Variants in MRPL54 observed in about 807,000 individuals in gnomAD.
MRPL54 encodes mitochondrial ribosomal protein L54.
MRPL54 carries 12 observed loss-of-function variants against 15.6 expected under a neutral mutation model. The ratio of observed to expected loss-of-function variants is 0.77; its 90% confidence interval spans 0.49 to 1.24. The LOEUF (loss-of-function observed/expected upper bound fraction) is 1.24. Among genes scored for constraint, MRPL54 ranks in the 50% most tolerant of loss-of-function variants. The pLI is 0.00. For synonymous variants in MRPL54, 91 were observed against 75.7 expected (o/e 1.20, Z -1.05); for missense variants, 178 against 186.8 (o/e 0.95, Z 0.28).
chr19:3,764,825 G>A (rs569176223), intron 1 of MRPL54, among the ~76,000 whole-genome samples: 168 of 151,816 alleles, frequency 1.1e-3, no homozygotes, highest in Non-Finnish European at 2.2e-3. Flanking sequence ...TCAGGAGATC[G>A]AGACCATCCT....
intron 1 of MRPL54, among the ~76,000 whole-genome samples, chr19:3,763,293 G>A (rs1422665241): frequency 2.0e-5 from 3 of 152,212 alleles, no homozygotes; most frequent in Admixed American, 1.3e-4. Flanking sequence ...TTAAGGTTTA[G>A]CTGGATACAG....
At chr19:3,763,714 T>G (rs915840486) in intron 1 of MRPL54, among the ~76,000 whole-genome samples, 5 of 151,554 alleles carry the variant, frequency 3.3e-5, no homozygotes, top group Non-Finnish European at 7.4e-5. Context: ...GAATTCAAGA[T>G]CAGCCTGACC....
At chr19:3,767,131 C>T in intron 2 of MRPL54, 130 bp from the exon 3 acceptor site, 1 of 1,254,010 alleles carries the variant, frequency 8.0e-7, no homozygotes. Context: ...GGAGGGACCA[C>T]CCTGAGATCA....
rs536217771 is a variant in MRPL54, at chr19:3,766,509, C to T, written c.285-752C>T. On this transcript the variant is annotated intron_variant, in intron 2 of 2. Coordinates refer to ENST00000330133, the MANE Select transcript of MRPL54 (RefSeq NM_172251.3). Reference sequence around the variant, plus strand: ...GAGTACAGGCGTGAGCCGCCGCACCCGTCCTGCAAATACTTATTGACCACT... The same window carrying T: ...GAGTACAGGCGTGAGCCGCCGCACCTGTCCTGCAAATACTTATTGACCACT... 2.8e-4 allele frequency among the ~76,000 whole-genome samples: 43 copies of T among 152,364 alleles called. 1 individual carries two copies. The East Asian group carries it at 7.5e-3, about 27-fold the overall frequency.
At chr19:3,764,372 C>T (rs920298843) in intron 1 of MRPL54, among the ~76,000 whole-genome samples, 5 of 150,388 alleles carry the variant, frequency 3.3e-5, no homozygotes, top group African/African-American at 9.8e-5. Flanking sequence ...CGTGAGCCGC[C>T]GCGCCCGGCC....
Position 3,765,291 on chromosome 19 carries a change from C to G in MRPL54, c.244C>G (p.Gln82Glu). ...AMGVNIYKEG[Q>E]DVPLKPDAEY... Reference sequence around the variant, plus strand: ...GGGCGTCAACATCTACAAGGAAGGGCAGGATGTACCCCTGAAACCGGATGC... The same window carrying G: ...GGGCGTCAACATCTACAAGGAAGGGGAGGATGTACCCCTGAAACCGGATGC... Residue 82 changes from glutamine to glutamate, a missense_variant, in exon 2 of 3, where the codon CAG (glutamine) becomes GAG (glutamate). Transcript: ENST00000330133. 2 of 1,614,002 alleles carry G rather than the reference C, an allele frequency of 1.2e-6. No homozygotes were observed. Among genetic ancestry groups the G allele is most frequent in the Non-Finnish European group, 1.7e-6 (2 of 1,179,940 alleles).
At position 3,765,897 on chromosome 19, in the gene MRPL54, CAA is replaced by C. The variant is rs751187954; in HGVS notation, c.284+582_284+583del. 2.7e-3 allele frequency among the ~76,000 whole-genome samples: 352 copies of C among 129,136 alleles called. 1 individual carries two copies. Among genetic ancestry groups the C allele is most frequent in the Admixed American group, 0.013 (163 of 13,008 alleles). 84.7% of individuals were successfully genotyped at this position (129,136 alleles called of 152,430 possible). A position where few individuals can be genotyped will look rare whatever the true frequency, so the allele number is the denominator to read the frequency against. On this transcript the variant is annotated intron_variant, in intron 2 of 2. Transcript: ENST00000330133. ...TGGGCAACAGAGTGAGACTTGGTCTCAAAAAAAAAAAAAAAAATTTTTTTTTT... is the reference window on the plus strand; with the variant it reads ...TGGGCAACAGAGTGAGACTTGGTCTCAAAAAAAAAAAAAAATTTTTTTTTT...
intron 1 of MRPL54, among the ~76,000 whole-genome samples, chr19:3,763,649 C>G (rs1164304097): frequency 6.6e-6 from 1 of 151,360 alleles, no homozygotes; most frequent in Non-Finnish European, 1.5e-5. Context: ...CGCGGTAGCT[C>G]ACGCCTGTAA....
chr19:3,765,457 T>C, intron 2 of MRPL54, 126 bp downstream of exon 2: 1 of 1,043,866 alleles, frequency 9.6e-7, no homozygotes, highest in Non-Finnish European at 1.4e-6. Context: ...CCATCCTGGC[T>C]TTAGGGCAGG....
chr19:3,766,825 C>G (rs950328117), intron 2 of MRPL54, among the ~76,000 whole-genome samples: 11 of 152,180 alleles, frequency 7.2e-5, no homozygotes, highest in Non-Finnish European at 1.2e-4. Flanking sequence ...AGGACCGCAC[C>G]TGGTGTGCTG....
chr19:3,765,395 T>G, intron 2 of MRPL54, 64 bp downstream of exon 2: 1 of 1,567,088 alleles, frequency 6.4e-7, no homozygotes, highest in Non-Finnish European at 8.7e-7. Context: ...GGAGGACCCC[T>G]TCCCGGAGAG....
At chr19:3,764,766 C>T (rs1301901330) in intron 1 of MRPL54, among the ~76,000 whole-genome samples, 4 of 151,498 alleles carry the variant, frequency 2.6e-5, no homozygotes, top group African/African-American at 4.8e-5. Flanking sequence ...CGGTGGCTCA[C>T]GCCTGTAATC....
rs1428815501 is a variant in MRPL54 at position 3,767,365 on chromosome 19, AC to A, written c.391del (p.Arg131GlyfsTer2). On this transcript the variant is annotated frameshift_variant, in exon 3 of 3. Coordinates refer to ENST00000330133, the MANE Select transcript of MRPL54 (RefSeq NM_172251.3). LOFTEE classifies it high-confidence loss of function. The stretch of plus-strand genomic sequence containing the variant: ...CGGAAACAGAACATCTGGCGCCACA[AC>A]CGGCTGAGCAAGAACAAGAGGTTGT... ...RLRKQNIWRH[N>X]RLSKNKRL 2 of 1,610,310 alleles carry A rather than the reference AC, an allele frequency of 1.2e-6. No individual in the cohort carries two copies. The highest frequency in any genetic ancestry group is 1.7e-6 in the Non-Finnish European group (2 of 1,178,616).
In MRPL54 at chr19:3,767,411, C is replaced by T. The variant is rs376840077; in HGVS notation, c.*18C>T. 87 of 1,605,626 alleles carry T rather than the reference C, an allele frequency of 5.4e-5. No individual in the cohort carries two copies. The highest frequency in any genetic ancestry group is 5.0e-4 in the Admixed American group (29 of 58,226). The stretch of plus-strand genomic sequence containing the variant: ...GGTTGTAGCATGGAGGGCCCGGCAT[C>T]GCTGACCCCCACGCCGAGGGCTTGC... On this transcript the variant is annotated 3_prime_UTR_variant, in exon 3 of 3. Transcript: ENST00000330133.
Position 3,767,487 on chromosome 19 carries a change from C to A in MRPL54, c.*94C>A, listed in dbSNP as rs2037208806. On this transcript the variant is annotated 3_prime_UTR_variant, in exon 3 of 3. Transcript: ENST00000330133. ...TGTGAGACAAGAGGCGGCTCCCCAG[C>A]CTGGGTTTCCATGTGACCCCACAGT... 1.3e-6 allele frequency: 2 copies of A among 1,534,392 alleles called. No homozygotes were observed. Among genetic ancestry groups the A allele is most frequent in the Admixed American group, 4.4e-5 (2 of 45,202 alleles).
At chr19:3,764,979 G>C (rs1329608511) in intron 1 of MRPL54, among the ~76,000 whole-genome samples, 187 bp from the exon 2 acceptor site, 1 of 151,086 alleles carries the variant, frequency 6.6e-6, no homozygotes, top group Non-Finnish European at 1.5e-5. Flanking sequence ...AGTGAGCTGA[G>C]ACTGCGCCAC....
rs1313457380 is a variant in MRPL54, at chr19:3,767,346, CAG to C, written c.372_373del (p.Asn125HisfsTer22). ...GGAGTACTGGCGGCGGCTGCGGAAACAGAACATCTGGCGCCACAACCGGCTGA... is the reference window on the plus strand; with the variant it reads ...GGAGTACTGGCGGCGGCTGCGGAAACAACATCTGGCGCCACAACCGGCTGA... ...SREYWRRLRK[Q>X]NIWRHNRLSK... On this transcript the variant is annotated frameshift_variant, in exon 3 of 3. Transcript: ENST00000330133. LOFTEE classifies it high-confidence loss of function. The C allele has an allele frequency of 3.1e-6, 5 of 1,610,560 alleles. No individual in the cohort carries two copies. Among genetic ancestry groups the C allele is most frequent in the South Asian group, 1.1e-5 (1 of 90,908 alleles).
At position 3,767,437 on chromosome 19, in the gene MRPL54, C is replaced by A; in HGVS notation, c.*44C>A. 6.3e-7 allele frequency: 1 copy of A among 1,592,974 alleles called. No individual in the cohort carries two copies. Among genetic ancestry groups the A allele is most frequent in the South Asian group, 1.1e-5 (1 of 88,718 alleles). ...GCTGACCCCCACGCCGAGGGCTTGC[C>A]GTTTTCCCGGAGGACGTGGACTTTT... On this transcript the variant is annotated 3_prime_UTR_variant, in exon 3 of 3. Transcript: ENST00000330133.
chr19:3,766,762 G>C (rs1282953982), intron 2 of MRPL54, among the ~76,000 whole-genome samples: 2 of 152,210 alleles, frequency 1.3e-5, no homozygotes, highest in Non-Finnish European at 2.9e-5. Context: ...GACGGGAGTG[G>C]GTGGAAGGGG....
Sources: allele counts gnomAD v4.1 joint callset (sites outside exome capture counted in the v4.1 genomes callset), GRCh38; gene constraint gnomAD v4.1.1; transcripts MANE v1.5; gene names NCBI Gene and HGNC (gene_info 2026-07-23, HGNC 2026-07-21).